The following PRKN variants were observed in gnomAD, a reference collection of about 807,000 sequenced individuals.
The protein encoded by PRKN is E3 ubiquitin-protein ligase parkin.
In PRKN, 56 loss-of-function variants were observed where a neutral mutation model predicts 59.5. The ratio of observed to expected loss-of-function variants is 0.94; its 90% CI spans 0.76 to 1.18. The LOEUF is 1.18. PRKN is among the 50% of genes most tolerant of loss of function. The pLI is 0.00. For missense variants in PRKN, 657 were observed against 596.4 expected (o/e 1.10, Z -1.06); for synonymous variants, 250 against 222.1 (o/e 1.13, Z -1.12).
chr6:161,952,709 G>A (rs975030327), intron 6 of PRKN, among the ~76,000 whole-genome samples: 2 of 152,176 alleles, frequency 1.3e-5, no homozygotes, highest in Admixed American at 1.3e-4. Flanking sequence ...GTAAAAGCCT[G>A]GAGGGGAGAA....
chr6:162,253,115 T>C (rs1401179085), intron 3 of PRKN, among the ~76,000 whole-genome samples: 1 of 152,164 alleles, frequency 6.6e-6, no homozygotes, highest in East Asian at 1.9e-4. Flanking sequence ...AAGAGAGTAC[T>C]TTTTCTTTCT....
At chr6:161,674,690 G>T (rs1320515631) in intron 7 of PRKN, among the ~76,000 whole-genome samples, 8 of 152,140 alleles carry the variant, frequency 5.3e-5, no homozygotes. Flanking sequence ...CAGAACTGAT[G>T]CTATTTTTTC....
chr6:162,241,851 A>C (rs1779002948), intron 3 of PRKN, among the ~76,000 whole-genome samples: 1 of 152,082 alleles, frequency 6.6e-6, no homozygotes, highest in African/African-American at 2.4e-5. Flanking sequence ...GGTTTTCTTC[A>C]ACTTTGATGA....
intron 6 of PRKN, among the ~76,000 whole-genome samples, chr6:161,868,896 A>G (rs1365801748): frequency 6.6e-6 from 1 of 152,164 alleles, no homozygotes; most frequent in East Asian, 1.9e-4. Flanking sequence ...TTAGACTTCA[A>G]TGGCTGGTGT....
chr6:162,555,678 A>G (rs899915799), intron 1 of PRKN, among the ~76,000 whole-genome samples: 1 of 152,124 alleles, frequency 6.6e-6, no homozygotes, highest in Admixed American at 6.6e-5. Flanking sequence ...TATTCCATTG[A>G]CATTTCATAA....
chr6:162,635,697 C>T (rs2128223432), intron 1 of PRKN, among the ~76,000 whole-genome samples: 2 of 151,946 alleles, frequency 1.3e-5, no homozygotes, highest in Middle Eastern at 6.8e-3. Flanking sequence ...TTTGTTGATT[C>T]TCAGTGGTAA....
At chr6:162,595,908 TTAA>T (rs1309348163) in intron 1 of PRKN, among the ~76,000 whole-genome samples, 1 of 152,170 alleles carries the variant, frequency 6.6e-6, no homozygotes, top group Non-Finnish European at 1.5e-5. Context: ...TCATTGAATA[TTAA>T]TGTCATAATC....
intron 1 of PRKN, among the ~76,000 whole-genome samples, chr6:162,611,954 G>A (rs753764083): frequency 6.6e-6 from 1 of 151,992 alleles, no homozygotes; most frequent in Non-Finnish European, 1.5e-5. Flanking sequence ...GGGAGGCCAA[G>A]GCGGGCGTAT....
chr6:161,497,038 A>T lies in PRKN; in HGVS notation c.1083+51816T>A, dbSNP rs1777777233. Among the ~76,000 whole-genome samples, 1 of 152,186 alleles carries T rather than the reference A, an allele frequency of 6.6e-6. No homozygotes were observed. Among genetic ancestry groups the T allele is most frequent in the Non-Finnish European group, 1.5e-5 (1 of 68,016 alleles). ...CTTTATAATGGCAGCCCTAGGAGCAAATACATCAAGGCAGAAAACCCGTCA... is the reference window on the plus strand; with the variant it reads ...CTTTATAATGGCAGCCCTAGGAGCATATACATCAAGGCAGAAAACCCGTCA... On this transcript the variant is annotated intron_variant, in intron 9 of 11. Coordinates refer to ENST00000366898, the MANE Select transcript of PRKN (RefSeq NM_004562.3). This position sits in a 1 kb window ranked among gnomAD's most constrained non-coding sequence, Gnocchi z 4.6.
Position 161,376,344 on chromosome 6 carries a change from G to C in PRKN, c.1167+10450C>G, listed in dbSNP as rs1328285076. Among the ~76,000 whole-genome samples, 1 of 152,194 alleles carries C rather than the reference G, an allele frequency of 6.6e-6. No individual in the cohort carries two copies. The highest frequency in any genetic ancestry group is 2.4e-5 in the African/African-American group (1 of 41,442). On this transcript the variant is annotated intron_variant, in intron 10 of 11. Coordinates refer to ENST00000366898, the MANE Select transcript of PRKN (RefSeq NM_004562.3). The surrounding 1 kb of genome is among the most constrained non-coding windows in gnomAD (Gnocchi z 7.3). ...CTTTCCCCACTGAACCCCTAGCTGA[G>C]ATGTCCACAATGAATGTGTGTCTCC...
chr6:161,401,088 C>T lies in PRKN; in HGVS notation c.1084-14211G>A, dbSNP rs532437267. 2.0e-5 allele frequency among the ~76,000 whole-genome samples: 3 copies of T among 152,108 alleles called. No homozygotes were observed. The highest frequency in any genetic ancestry group is 7.2e-5 in the African/African-American group (3 of 41,414). On this transcript the variant is annotated intron_variant, in intron 9 of 11. Transcript: ENST00000366898. The surrounding 1 kb of genome is among the most constrained non-coding windows in gnomAD (Gnocchi z 4.4). ...CGAAGTCATAGAAATCCACCATTCA[C>T]GTAAGTTTTGGCCTGGTGTTATTGC... is the stretch of plus-strand genomic sequence containing the variant.
chr6:161,507,820 C>G (rs901052943), intron 9 of PRKN, among the ~76,000 whole-genome samples: 1 of 152,166 alleles, frequency 6.6e-6, no homozygotes, highest in Non-Finnish European at 1.5e-5. Flanking sequence ...CGGGTTTTCA[C>G]GTCCAGCCTG....
chr6:162,581,417 C>T (rs1482314333), intron 1 of PRKN, among the ~76,000 whole-genome samples: 4 of 152,202 alleles, frequency 2.6e-5, no homozygotes, highest in Non-Finnish European at 5.9e-5. Flanking sequence ...CTAATTTTCC[C>T]ATGGAATGAC....
intron 6 of PRKN, among the ~76,000 whole-genome samples, chr6:161,830,513 A>G (rs1054519058): frequency 6.6e-6 from 1 of 152,024 alleles, no homozygotes; most frequent in African/African-American, 2.4e-5. Context: ...CGGCCTCCCA[A>G]AGTGCTGGGA....
chr6:161,895,577 C>A (rs972234438), intron 6 of PRKN, among the ~76,000 whole-genome samples: 5 of 117,574 alleles, frequency 4.3e-5, no homozygotes, highest in African/African-American at 1.7e-4. Context: ...CCGTTATACA[C>A]CCCAGTGAGG....
chr6:162,544,199 T>C (rs936357515), intron 1 of PRKN, among the ~76,000 whole-genome samples: 1 of 152,052 alleles, frequency 6.6e-6, no homozygotes, highest in Admixed American at 6.6e-5. Flanking sequence ...ACATAATGGA[T>C]ACATAAGCAT....
At chr6:162,478,860 T>G (rs1315595818) in intron 1 of PRKN, among the ~76,000 whole-genome samples, 1 of 152,020 alleles carries the variant, frequency 6.6e-6, no homozygotes, top group Non-Finnish European at 1.5e-5. Flanking sequence ...GTATAAAAGG[T>G]AAAAAATGGG....
chr6:162,510,362 C>G (rs1777541258), intron 1 of PRKN, among the ~76,000 whole-genome samples: 1 of 150,814 alleles, frequency 6.6e-6, no homozygotes, highest in African/African-American at 2.5e-5. Context: ...AATGCATTTT[C>G]CATATGATGA....
chr6:162,702,275 CG>C (rs1562509311), intron 1 of PRKN, among the ~76,000 whole-genome samples: 3 of 152,076 alleles, frequency 2.0e-5, no homozygotes, highest in African/African-American at 4.8e-5. Context: ...GTTTACTTGA[CG>C]TTTTTCCTTT....
Sources: gnomAD v4.1 joint callset for allele counts (sites outside exome capture counted in the v4.1 genomes callset) on GRCh38, gnomAD v4.1.1 for gene constraint, Gnocchi (gnomAD v3.1) non-coding constraint, MANE v1.5 for transcripts, NCBI Gene and HGNC (gene_info 2026-07-23, HGNC 2026-07-21) for gene names.